NEK5: variants seen among roughly 807,000 people sequenced by gnomAD.
NEK5 encodes the protein serine/threonine-protein kinase Nek5.
NEK5 carries 88 observed loss-of-function variants against 109.2 expected under a neutral mutation model. The observed-to-expected ratio is 0.81, with a 90% CI of 0.68 to 0.96. The LOEUF (loss-of-function observed/expected upper bound fraction) is 0.96. Among genes scored for constraint, NEK5 ranks in the 40% least tolerant of loss-of-function variants. The pLI is 0.00. For synonymous variants in NEK5, 283 were observed against 299.9 expected, an observed-to-expected ratio of 0.94 and a Z score of 0.58; for missense variants, 834 against 920.7, an observed-to-expected ratio of 0.91 and a Z score of 1.22.
At chr13:52,114,683 G>C (rs374160122) in intron 4 of NEK5, among the ~76,000 whole-genome samples, 3 of 152,350 alleles carry the variant, frequency 2.0e-5, no homozygotes, top group African/African-American at 7.2e-5. Flanking sequence ...GCTGGAGGGT[G>C]AGGAGAAAGC....
chr13:52,099,605 G>A (rs1330783562), intron 12 of NEK5, 138 bp downstream of exon 12: 5 of 806,840 alleles, frequency 6.2e-6, no homozygotes, highest in Non-Finnish European at 1.9e-6. Context: ...GGGAGGTGGA[G>A]TTTGCGGTGA....
At chr13:52,077,599 G>C (rs894533191) in intron 17 of NEK5, among the ~76,000 whole-genome samples, 10 of 152,166 alleles carry the variant, frequency 6.6e-5, no homozygotes, top group African/African-American at 2.4e-4. Flanking sequence ...AGAGGAGAGA[G>C]CTGCACAGAG....
rs370187432 is a variant in NEK5, at chr13:52,081,453, C to CT, written c.1572+1806dup. Among the ~76,000 whole-genome samples the CT allele has an allele frequency of 5.7e-3, 875 of 152,260 alleles. 9 individuals carry two copies. The highest frequency in any genetic ancestry group is 0.02 in the African/African-American group (830 of 41,542). On this transcript the variant is annotated intron_variant, in intron 17 of 23. Coordinates refer to ENST00000684899, the MANE Select transcript of NEK5 (RefSeq NM_001365552.1). ...AAGGGATCCTCGGCCTCCTAAATAG[C>CT]TGGAACTATAGTCTCGTGCCACCAT...
At chr13:52,075,696 T>C (rs1954854112) in intron 19 of NEK5, 62 bp downstream of exon 19, 1 of 973,884 alleles carries the variant, frequency 1.0e-6, no homozygotes, top group African/African-American at 1.7e-5. Flanking sequence ...TCATGAAACA[T>C]GCTATTAAGA....
Position 52,104,487 on chromosome 13 carries a change from A to G in NEK5, c.609+11T>C. ...ATAATTCAAGATTAGTCTGACAATG[A>G]GCATACTTACAGGATGTTTAAGTGT... is the stretch of plus-strand genomic sequence containing the variant. On this transcript the variant is annotated intron_variant, in intron 9 of 23. Coordinates refer to ENST00000684899, the MANE Select transcript of NEK5 (RefSeq NM_001365552.1). 1 of 1,563,214 alleles carries G rather than the reference A, an allele frequency of 6.4e-7. No individual in the cohort carries two copies. Among genetic ancestry groups the G allele is most frequent in the South Asian group, 1.1e-5 (1 of 89,952 alleles).
At position 52,081,435 on chromosome 13, in the gene NEK5, C is replaced by A. The variant is rs79208257; in HGVS notation, c.1572+1825G>T. On this transcript the variant is annotated intron_variant, in intron 17 of 23. Transcript: ENST00000684899. ...TCTCAAACTCCTGAGCTCAAGGGAT[C>A]CTCGGCCTCCTAAATAGCTGGAACT... 6.7e-3 allele frequency among the ~76,000 whole-genome samples: 1,016 copies of A among 152,136 alleles called. 9 individuals carry two copies. Among genetic ancestry groups the A allele is most frequent in the African/African-American group, 0.023 (942 of 41,460 alleles).
rs773897462 is a variant in NEK5, at chr13:52,089,266, A to G, written c.1256T>C (p.Leu419Ser). ...QRKFEAQQYKLKVEKQLGLRP... is the reference protein window; with the variant it reads ...QRKFEAQQYKSKVEKQLGLRP... ...ACTTACCAATTGCTTCTCCACTTTCAACTTATATTGTTGAGCTTCAAATTT... is the reference window on the plus strand; with the variant it reads ...ACTTACCAATTGCTTCTCCACTTTCGACTTATATTGTTGAGCTTCAAATTT... The change falls in exon 14 of 24, where the codon TTG becomes TCG. Residue 419 changes from leucine to serine, a missense_variant. Coordinates refer to ENST00000684899, the MANE Select transcript of NEK5 (RefSeq NM_001365552.1). 1.2e-6 allele frequency: 2 copies of G among 1,604,082 alleles called. No homozygotes were observed. Among genetic ancestry groups the G allele is most frequent in the Admixed American group, 1.7e-5 (1 of 59,874 alleles).
rs953458815 is a variant in NEK5 at position 52,034,175 on chromosome 13, C to CTAA, written c.*2770_*2772dup. Reference sequence around the variant, plus strand: ...CATGGCTAGCAAGACACTGATTTTTCTAATAAAAAAATTTTTAATGCATAC... The same window carrying CTAA: ...CATGGCTAGCAAGACACTGATTTTTCTAATAATAAAAAAATTTTTAATGCATAC... On this transcript the variant is annotated 3_prime_UTR_variant, in exon 24 of 24. Coordinates refer to ENST00000684899, the MANE Select transcript of NEK5 (RefSeq NM_001365552.1). 4 of 152,216 alleles carry CTAA rather than the reference C, an allele frequency of 2.6e-5. No homozygotes were observed. The highest frequency in any genetic ancestry group is 9.6e-5 in the African/African-American group (4 of 41,532). 9.4% of individuals were successfully genotyped at this position (152,216 alleles called of 1,614,324 possible). A position where few individuals can be genotyped will look rare whatever the true frequency, so the allele number is the denominator to read the frequency against.
Position 52,102,098 on chromosome 13 carries a change from A to G in NEK5, c.804T>C (p.Thr268=). ...FLENLIPKYL[T]PEVIQEEFSH... ...CAGTCACCTCAAAACTTACCTCAGG[A>G]GTCAAATATTTGGGAATAAGATTCT... Residue 268 remains threonine (T), a synonymous_variant, in exon 10 of 24, where the codon ACT becomes ACC. Transcript: ENST00000684899. 6.2e-7 allele frequency: 1 copy of G among 1,613,528 alleles called. No homozygotes were observed. The highest frequency in any genetic ancestry group is 8.5e-7 in the Non-Finnish European group (1 of 1,179,454).
chr13:52,037,933 AAT>A (rs1555307052), intron 23 of NEK5, among the ~76,000 whole-genome samples: 1 of 150,600 alleles, frequency 6.6e-6, no homozygotes, highest in African/African-American at 2.4e-5. Context: ...AAAAAAAAAA[AAT>A]GTGTTGAAGG....
At chr13:52,104,900 C>CA (rs1336121267) in intron 8 of NEK5, among the ~76,000 whole-genome samples, 1 of 152,100 alleles carries the variant, frequency 6.6e-6, no homozygotes, top group Non-Finnish European at 1.5e-5. Flanking sequence ...TGTTTTGACT[C>CA]AAAAGGTAAT....
chr13:52,081,040 G>C (rs953619266), intron 17 of NEK5, among the ~76,000 whole-genome samples: 1 of 151,972 alleles, frequency 6.6e-6, no homozygotes, highest in Non-Finnish European at 1.5e-5. Flanking sequence ...ATGTTTGGGG[G>C]AAATGTGAGC....
At chr13:52,090,827 C>A (rs1380022977) in intron 13 of NEK5, among the ~76,000 whole-genome samples, 2 of 152,008 alleles carry the variant, frequency 1.3e-5, no homozygotes, top group Non-Finnish European at 2.9e-5. Context: ...AGATTGAGAC[C>A]CTCCTGGCTG....
At chr13:52,096,317 G>A (rs1045429425) in intron 12 of NEK5, among the ~76,000 whole-genome samples, 8 of 152,128 alleles carry the variant, frequency 5.3e-5, no homozygotes, top group East Asian at 3.9e-4. Context: ...TTGGAAGAGC[G>A]TGGAGGGCTC....
chr13:52,057,651 G>A (rs577118096), intron 22 of NEK5, among the ~76,000 whole-genome samples: 48 of 151,756 alleles, frequency 3.2e-4, no homozygotes, highest in African/African-American at 9.7e-4. Context: ...AATAATATAC[G>A]CAAATCAATA....
chr13:52,086,188 C>T, intron 16 of NEK5, 89 bp downstream of exon 16: 1 of 887,774 alleles, frequency 1.1e-6, no homozygotes, highest in Non-Finnish European at 1.9e-6. Context: ...TTTATCTTTT[C>T]TATAAGGAAA....
intron 23 of NEK5, among the ~76,000 whole-genome samples, chr13:52,042,698 A>T (rs905591174): frequency 1.3e-5 from 2 of 152,022 alleles, no homozygotes; most frequent in Non-Finnish European, 2.9e-5. Context: ...CATATTTGGG[A>T]GGAAGGAAGG....
At chr13:52,120,707 T>A (rs1199861821) in intron 3 of NEK5, among the ~76,000 whole-genome samples, 1 of 152,070 alleles carries the variant, frequency 6.6e-6, no homozygotes, top group East Asian at 1.9e-4. Context: ...GGCCAGGAGT[T>A]CAAGACCAGC....
chr13:52,095,245 T>A (rs958987675), intron 12 of NEK5, among the ~76,000 whole-genome samples: 4 of 152,126 alleles, frequency 2.6e-5, no homozygotes, highest in African/African-American at 7.3e-5. Context: ...ATTTTTAAAA[T>A]CTTTTAAAAC....
Sources: allele counts gnomAD v4.1 joint callset (sites outside exome capture counted in the v4.1 genomes callset), GRCh38; gene constraint gnomAD v4.1.1; transcripts MANE v1.5; gene names NCBI Gene and HGNC (gene_info 2026-07-23, HGNC 2026-07-21).